Variants in PARG observed in about 807,000 individuals in gnomAD.
The protein encoded by PARG is mitochondrial poly(ADP-ribose) glycohydrolase.
Under a neutral mutation model 113.0 loss-of-function variants are expected in PARG, and 35 were observed. The ratio of observed to expected loss-of-function variants is 0.31; its 90% confidence interval spans 0.24 to 0.41. The LOEUF (loss-of-function observed/expected upper bound fraction) is 0.41, where lower values mean the gene tolerates loss of function less well. Among genes scored for constraint, PARG ranks in the 10% least tolerant of loss-of-function variants. The probability of loss-of-function intolerance (pLI) is 1.00; values close to 1 mark genes in which losing one functional copy is unlikely to be tolerated. For missense variants in PARG, 797 were observed against 1,169.4 expected (o/e 0.68, Z 4.64); for synonymous variants, 330 against 409.9 (o/e 0.81, Z 2.36).
At chr10:49,866,138 AT>A (rs1846503615) in intron 10 of PARG, among the ~76,000 whole-genome samples, 2 of 152,048 alleles carry the variant, frequency 1.3e-5, no homozygotes, top group African/African-American at 4.8e-5. Context: ...TTATTTATTT[AT>A]TTTTTAAAGC....
At chr10:49,837,322 T>G (rs1361737206) in intron 15 of PARG, among the ~76,000 whole-genome samples, 1 of 151,844 alleles carries the variant, frequency 6.6e-6, no homozygotes, top group Non-Finnish European at 1.5e-5. Flanking sequence ...CGGTGAAAAC[T>G]GGTTTTACTT....
chr10:49,912,927 C>T (rs530295237), intron 7 of PARG, among the ~76,000 whole-genome samples: 2 of 152,202 alleles, frequency 1.3e-5, no homozygotes, highest in African/African-American at 4.8e-5. Flanking sequence ...TGTGACAGCA[C>T]CACTGCACTA....
intron 7 of PARG, among the ~76,000 whole-genome samples, chr10:49,908,284 T>C (rs1836971614): frequency 6.6e-6 from 1 of 152,204 alleles, no homozygotes; most frequent in Non-Finnish European, 1.5e-5. Context: ...CATCAACATA[T>C]GTCCCAATTC....
intron 15 of PARG, among the ~76,000 whole-genome samples, chr10:49,837,167 G>A (rs1564601774): frequency 6.6e-6 from 1 of 152,038 alleles, no homozygotes; most frequent in Non-Finnish European, 1.5e-5. Flanking sequence ...GGTCCAATAA[G>A]ACCGGTGGAG....
rs1314538154 is a variant in PARG at position 49,819,315 on chromosome 10, G to A, written c.*25C>T. 1.9e-6 allele frequency: 3 copies of A among 1,542,322 alleles called. No individual in the cohort carries two copies. In the African/African-American group the frequency reaches 4.1e-5, roughly 21 times the overall value. On this transcript the variant is annotated 3_prime_UTR_variant, in exon 18 of 18. Coordinates refer to ENST00000616448, the MANE Select transcript of PARG (RefSeq NM_003631.5). ...ACAGGACGTCTCTGGTGGGAGGTGG[G>A]AGGAGATGCTATTCGCTCGGCTCCT... is the stretch of plus-strand genomic sequence containing the variant.
chr10:49,846,480 A>C (rs1489597091), intron 13 of PARG, among the ~76,000 whole-genome samples: 3 of 152,060 alleles, frequency 2.0e-5, no homozygotes, highest in Admixed American at 2.0e-4. Flanking sequence ...AATGTGTGTA[A>C]ATTTTACTTC....
intron 7 of PARG, among the ~76,000 whole-genome samples, chr10:49,891,203 A>T (rs1249804171): frequency 6.6e-6 from 1 of 152,178 alleles, no homozygotes; most frequent in Non-Finnish European, 1.5e-5. Context: ...GGTCCCAGTT[A>T]CTCGGGAGGC....
intron 7 of PARG, among the ~76,000 whole-genome samples, chr10:49,887,371 C>T (rs1284619390): frequency 3.3e-5 from 5 of 152,126 alleles, no homozygotes; most frequent in African/African-American, 7.2e-5. Context: ...TTTTATCACA[C>T]GTACATTTCT....
chr10:49,923,290 A>T (rs1837985261), intron 4 of PARG, among the ~76,000 whole-genome samples: 1 of 152,140 alleles, frequency 6.6e-6, no homozygotes, highest in Non-Finnish European at 1.5e-5. Context: ...GAAACTTCAA[A>T]GTAGTCAGCT....
At chr10:49,901,270 C>G (rs1451882740) in intron 7 of PARG, among the ~76,000 whole-genome samples, 1 of 151,416 alleles carries the variant, frequency 6.6e-6, no homozygotes, top group African/African-American at 2.4e-5. Flanking sequence ...GCTACCACAC[C>G]CAGCTAATTT....
At chr10:49,880,726 T>C (rs1588935295) in intron 8 of PARG, among the ~76,000 whole-genome samples, 2 of 152,012 alleles carry the variant, frequency 1.3e-5, no homozygotes, top group South Asian at 4.1e-4. Context: ...CATTATATGC[T>C]CCTCACTTTA....
intron 13 of PARG, among the ~76,000 whole-genome samples, chr10:49,846,852 A>T (rs1224033719): frequency 6.6e-6 from 1 of 151,976 alleles, no homozygotes; most frequent in Non-Finnish European, 1.5e-5. Context: ...GAAATGGCTG[A>T]TTCCAGAGCT....
chr10:49,920,235 G>A (rs1554848766), intron 6 of PARG, among the ~76,000 whole-genome samples: 1 of 151,652 alleles, frequency 6.6e-6, no homozygotes, highest in Non-Finnish European at 1.5e-5. Context: ...GAGCCCAGGA[G>A]TTGGAGACCA....
chr10:49,830,478 T>C (rs1221586425), intron 16 of PARG, among the ~76,000 whole-genome samples: 5 of 152,192 alleles, frequency 3.3e-5, no homozygotes, highest in Non-Finnish European at 5.9e-5. Context: ...ACATAAAAGC[T>C]AACTCAGTAA....
At chr10:49,869,368 G>A (rs1846680560) in intron 10 of PARG, 108 bp downstream of exon 10, 3 of 671,330 alleles carry the variant, frequency 4.5e-6, no homozygotes, top group East Asian at 2.8e-5. Context: ...TTTCAATGTG[G>A]TTGGGACAGG....
At chr10:49,851,376 T>TA (rs1302274390) in intron 13 of PARG, among the ~76,000 whole-genome samples, 1 of 147,716 alleles carries the variant, frequency 6.8e-6, no homozygotes, top group Non-Finnish European at 1.5e-5. Context: ...ATTAAAAACT[T>TA]AGAAAAGACA....
At chr10:49,854,956 A>G (rs557395877) in intron 13 of PARG, among the ~76,000 whole-genome samples, 63 of 149,122 alleles carry the variant, frequency 4.2e-4, no homozygotes, top group African/African-American at 1.5e-3. Flanking sequence ...GAAGACATGG[A>G]AAGAAATGAG....
At chr10:49,904,657 G>A (rs1248723050) in intron 7 of PARG, among the ~76,000 whole-genome samples, 1 of 151,750 alleles carries the variant, frequency 6.6e-6, no homozygotes, top group Non-Finnish European at 1.5e-5. Context: ...GCTCATGCCT[G>A]TAATCCCAGC....
chr10:49,922,259 G>C (rs1837916173), intron 6 of PARG, 77 bp downstream of exon 6: 1 of 1,458,340 alleles, frequency 6.9e-7, no homozygotes, highest in African/African-American at 1.4e-5. Context: ...TGCTACCTGA[G>C]TCTATTAAGA....
Sources: gnomAD v4.1 joint callset for allele counts (sites outside exome capture counted in the v4.1 genomes callset) on GRCh38, gnomAD v4.1.1 for gene constraint, MANE v1.5 for transcripts, NCBI Gene and HGNC (gene_info 2026-07-23, HGNC 2026-07-21) for gene names.